C3orf52: variants seen among roughly 807,000 people sequenced by gnomAD.
The protein encoded by C3orf52 is TPA-induced transmembrane protein.
C3orf52 carries 22 observed loss-of-function variants against 24.8 expected under a neutral mutation model. The observed-to-expected ratio is 0.89, with a 90% confidence interval of 0.63 to 1.27. C3orf52 has a LOEUF of 1.27. Ranked by LOEUF, C3orf52 falls within the 50% of genes most tolerant of loss-of-function variation. The pLI, the probability that C3orf52 is intolerant of heterozygous loss-of-function variation, is 0.00. For synonymous variants in C3orf52, 93 were observed against 100.2 expected (o/e 0.93, Z 0.43); for missense variants, 265 against 260.7 (o/e 1.02, Z -0.11).
chr3:112,094,068 C>T (rs990766017), intron 2 of C3orf52, among the ~76,000 whole-genome samples: 13 of 151,998 alleles, frequency 8.6e-5, no homozygotes, highest in Admixed American at 3.3e-4. Flanking sequence ...GACTTTGGCT[C>T]GCTGCAACCT....
At chr3:112,133,087 C>T, downstream of C3orf52, 2 of 1,613,630 alleles carry the variant, frequency 1.2e-6, no homozygotes, top group South Asian at 2.2e-5. Context: ...GGAGTCTAGA[C>T]TTACCTGTTT....
chr3:112,132,379 A>G (rs73218049), downstream of C3orf52, among the ~76,000 whole-genome samples: 4,642 of 152,196 alleles, frequency 0.031, 102 homozygotes, highest in Middle Eastern at 0.044. Flanking sequence ...TTTATACCCT[A>G]GAGATTACCT....
intron 1 of C3orf52, among the ~76,000 whole-genome samples, chr3:112,089,716 A>G (rs1164310048): frequency 6.6e-6 from 1 of 152,092 alleles, no homozygotes; most frequent in African/African-American, 2.4e-5. Flanking sequence ...TCCCTGATCT[A>G]TATAATATCT....
intron 2 of C3orf52, 119 bp downstream of exon 2, chr3:112,093,608 G>A (rs1576135176): frequency 2.0e-6 from 2 of 989,228 alleles, no homozygotes; most frequent in Non-Finnish European, 2.9e-6. Flanking sequence ...GTGAATTTAA[G>A]ACCGGCTTGG....
chr3:112,111,648 T>G (rs1184013804), intron 4 of C3orf52: 1 of 152,242 alleles, frequency 6.6e-6, no homozygotes, highest in African/African-American at 2.4e-5. Context: ...AGTCAGACTC[T>G]GGCCCTCTTC....
rs538529891 is a variant in C3orf52, at chr3:112,106,045, C to T, written c.396+3080C>T. Among the ~76,000 whole-genome samples, 39 of 152,224 alleles carry T rather than the reference C, an allele frequency of 2.6e-4. 1 individual carries two copies. Among genetic ancestry groups the T allele is most frequent in the Middle Eastern group, 6.8e-3 (2 of 294 alleles). ...GATAAAAAGGTACATAGGGCGGACA[C>T]GTGGGACAGAATGTGGGCATCCATG... On this transcript the variant is annotated intron_variant, in intron 3 of 5. Transcript: ENST00000264848.
chr3:112,092,106 G>C (rs1358113805), intron 1 of C3orf52, among the ~76,000 whole-genome samples: 1 of 152,210 alleles, frequency 6.6e-6, no homozygotes, highest in Non-Finnish European at 1.5e-5. Flanking sequence ...GCTGCTTTGT[G>C]GGATGGTGAA....
At position 112,116,638 on chromosome 3, in the gene C3orf52, T is replaced by C; in HGVS notation, c.650-4T>C. ...ACTTTTGTTCATCTGTGTTTTCTTT[T>C]TAGAATGAAGTGATGGAGGCTGGTC... On this transcript the variant is annotated splice_region_variant and splice_polypyrimidine_tract_variant and intron_variant, in intron 5 of 5. Transcript: ENST00000264848. The C allele has an allele frequency of 6.4e-7, 1 of 1,561,834 alleles. No homozygotes were observed. The highest frequency in any genetic ancestry group is 8.7e-7 in the Non-Finnish European group (1 of 1,151,228).
chr3:112,096,349 C>G (rs889335476), intron 2 of C3orf52, among the ~76,000 whole-genome samples: 13 of 152,240 alleles, frequency 8.5e-5, no homozygotes, highest in African/African-American at 2.4e-4. Context: ...GCACCATTAC[C>G]CCAAAGGCCC....
At chr3:112,125,322 G>A (rs1576162399) in intron 4 of C3orf52, 2 of 1,084,604 alleles carry the variant, frequency 1.8e-6, no homozygotes, top group South Asian at 2.5e-5. Context: ...AGCAGGGGAG[G>A]CTAGAATATA....
intron 1 of C3orf52, among the ~76,000 whole-genome samples, chr3:112,087,707 A>G (rs1168569496): frequency 6.6e-6 from 1 of 152,254 alleles, no homozygotes; most frequent in Non-Finnish European, 1.5e-5. Context: ...AGGTTGAACA[A>G]AGATAGTCTG....
At chr3:112,129,534 G>A (rs2074402972), downstream of C3orf52, 1 of 152,106 alleles carries the variant, frequency 6.6e-6, no homozygotes, top group Non-Finnish European at 1.5e-5. Context: ...GGAATTTGAG[G>A]TATCTGTCTC....
intron 1 of C3orf52, among the ~76,000 whole-genome samples, chr3:112,087,111 G>A (rs1250575969): frequency 6.6e-6 from 1 of 151,722 alleles, no homozygotes; most frequent in African/African-American, 2.4e-5. Context: ...AGAGCACAGA[G>A]GAGAGAAAGC....
At chr3:112,090,965 T>C (rs961606896) in intron 1 of C3orf52, among the ~76,000 whole-genome samples, 9 of 152,206 alleles carry the variant, frequency 5.9e-5, no homozygotes, top group Admixed American at 5.9e-4. Context: ...CCCCTGGCTT[T>C]GAAGCAGTTC....
intron 1 of C3orf52, among the ~76,000 whole-genome samples, chr3:112,091,928 C>T (rs1048123756): frequency 2.7e-4 from 41 of 151,978 alleles, no homozygotes; most frequent in Non-Finnish European, 4.1e-4. Context: ...GGCGTGAACC[C>T]GGGAGGCGGA....
chr3:112,130,132 AAGGT>A, downstream of C3orf52: 1 of 311,942 alleles, frequency 3.2e-6, no homozygotes, highest in East Asian at 6.0e-5. Context: ...GTTGAGCACA[AAGGT>A]ACCTGAGATA....
At chr3:112,102,325 G>A (rs1036061337) in intron 2 of C3orf52, among the ~76,000 whole-genome samples, 4 of 152,134 alleles carry the variant, frequency 2.6e-5, no homozygotes, top group Non-Finnish European at 5.9e-5. Flanking sequence ...AGGCAAACTC[G>A]TCAACCCTCT....
chr3:112,105,745 C>A (rs1199582578), intron 3 of C3orf52, among the ~76,000 whole-genome samples: 1 of 151,638 alleles, frequency 6.6e-6, no homozygotes, highest in Non-Finnish European at 1.5e-5. Context: ...ATGGTGTGAA[C>A]CCGGCAGGCA....
At chr3:112,130,438 C>T (rs745394778), downstream of C3orf52, 4 of 1,613,052 alleles carry the variant, frequency 2.5e-6, no homozygotes, top group African/African-American at 1.3e-5. Context: ...GTTGATTTTG[C>T]TCTCACCTGG....
Sources: gnomAD v4.1 joint callset for allele counts (sites outside exome capture counted in the v4.1 genomes callset) on GRCh38, gnomAD v4.1.1 for gene constraint, MANE v1.5 for transcripts, NCBI Gene and HGNC (gene_info 2026-07-23, HGNC 2026-07-21) for gene names.